Variants in PHLDB1 observed in about 807,000 individuals in gnomAD.
PHLDB1 encodes the protein pleckstrin homology-like domain family B member 1.
Under a neutral mutation model 139.3 loss-of-function variants are expected in PHLDB1, and 65 were observed. The ratio of observed to expected loss-of-function variants is 0.47; its 90% CI spans 0.38 to 0.57. The LOEUF is 0.57. Ranked by LOEUF, PHLDB1 falls within the 20% of genes least tolerant of loss-of-function variation. The pLI is 0.00. For missense variants in PHLDB1, 1,624 were observed against 1,839.7 expected (o/e 0.88, Z 2.14); for synonymous variants, 679 against 734.5 (o/e 0.92, Z 1.22).
chr11:118,656,445 G>T (rs506839), intron 22 of PHLDB1, among the ~76,000 whole-genome samples: 9 of 152,180 alleles, frequency 5.9e-5, no homozygotes, highest in African/African-American at 2.2e-4. Context: ...CCTTGTCAGG[G>T]TATAGCTCTG....
At chr11:118,623,284 G>C (rs1043657580) in intron 4 of PHLDB1, among the ~76,000 whole-genome samples, 5 of 152,356 alleles carry the variant, frequency 3.3e-5, no homozygotes, top group Middle Eastern at 6.8e-3. Flanking sequence ...TGGTGGTAGA[G>C]AGCAACAGGG....
At position 118,657,014 on chromosome 11, in the gene PHLDB1, C is replaced by G. The variant is rs1949143627; in HGVS notation, c.*191C>G. Reference sequence around the variant, plus strand: ...TTGCAGTAACCCTTTAGGGTCCTGCCCCAGGCCCAGCCAGGGCTGAGGAGC... The same window carrying G: ...TTGCAGTAACCCTTTAGGGTCCTGCGCCAGGCCCAGCCAGGGCTGAGGAGC... On this transcript the variant is annotated 3_prime_UTR_variant, in exon 23 of 23. Transcript: ENST00000600882. 2.7e-5 allele frequency: 14 copies of G among 519,418 alleles called. No homozygotes were observed. Among genetic ancestry groups the G allele is most frequent in the Non-Finnish European group, 4.4e-5 (13 of 292,908 alleles). The allele number at this position is 519,418 out of a possible 1,614,324, so 32.2% of individuals were successfully genotyped here.
At chr11:118,643,539 G>T (rs1946931988) in intron 13 of PHLDB1, 1 of 985,434 alleles carries the variant, frequency 1.0e-6, no homozygotes, top group African/African-American at 1.7e-5. Flanking sequence ...TTAAATCCTT[G>T]CATGGGTCTG....
Position 118,627,802 on chromosome 11 carries a change from C to T in PHLDB1, c.979C>T (p.Leu327Phe), listed in dbSNP as rs1555104105. The change falls in exon 6 of 23, where the codon CTC becomes TTC. Residue 327 changes from leucine to phenylalanine, a missense_variant. Coordinates refer to ENST00000600882, the MANE Select transcript of PHLDB1 (RefSeq NM_001144758.3). ...CCATGAGAGGCCTCCCAGCCCTGGC[C>T]TCCGGGGTCTGCTGACAGACAGCCC... ...GGHERPPSPGLRGLLTDSPAA... is the reference protein window; with the variant it reads ...GGHERPPSPGFRGLLTDSPAA... 1 of 1,604,782 alleles carries T rather than the reference C, an allele frequency of 6.2e-7. No individual in the cohort carries two copies. The highest frequency in any genetic ancestry group is 1.7e-5 in the Admixed American group (1 of 59,780).
intron 10 of PHLDB1, chr11:118,637,682 T>A (rs557679145): frequency 4.6e-5 from 7 of 152,294 alleles, no homozygotes; most frequent in African/African-American, 1.7e-4. Context: ...GACCCCAAAT[T>A]TAGGACATCT....
chr11:118,609,633 G>C (rs374696389), intron 1 of PHLDB1, among the ~76,000 whole-genome samples: 1 of 152,172 alleles, frequency 6.6e-6, no homozygotes, highest in Non-Finnish European at 1.5e-5. Context: ...GGCTCGGAAC[G>C]GGCGGTGTCT....
upstream of PHLDB1, chr11:118,607,554 G>A (rs1161238490): frequency 7.2e-6 from 1 of 139,150 alleles, no homozygotes; most frequent in Admixed American, 7.0e-5. Flanking sequence ...GGGGACTGGC[G>A]GGAGGGGGGC....
intron 22 of PHLDB1, 112 bp from the exon 23 acceptor site, chr11:118,656,571 G>A: frequency 9.7e-7 from 1 of 1,033,928 alleles, no homozygotes; most frequent in African/African-American, 1.6e-5. Context: ...TTAGGACTAA[G>A]CTCCAGGGCT....
rs1429972711 is a variant in PHLDB1 at position 118,645,650 on chromosome 11, G to A, written c.3416G>A (p.Ser1139Asn). The change falls in exon 16 of 23, where the codon AGC becomes AAC. Residue 1139 changes from serine (S) to asparagine (N), a missense_variant and splice_region_variant. Physicochemically the swap from Ser to Asn is conservative, Grantham distance 46 (BLOSUM62 1). Transcript: ENST00000600882. This position sits in a 1 kb window ranked among gnomAD's most constrained non-coding sequence, Gnocchi z 5.1. Reference sequence around the variant, plus strand: ...GCCTGCTCCCCTGACAACATGTCCAGGTACACCCGACGCCTGGGCCCGCAG... The same window carrying A: ...GCCTGCTCCCCTGACAACATGTCCAAGTACACCCGACGCCTGGGCCCGCAG... ...NSACSPDNMS[S>N]ASGLDMGKIE... 1.2e-6 allele frequency: 2 copies of A among 1,613,482 alleles called. No homozygotes were observed. Among genetic ancestry groups the A allele is most frequent in the Admixed American group, 3.3e-5 (2 of 59,992 alleles).
At chr11:118,651,226 A>G (rs2137006722) in intron 20 of PHLDB1, 1 of 152,484 alleles carries the variant, frequency 6.6e-6, no homozygotes, top group East Asian at 1.9e-4. Context: ...GCAGTGGCTC[A>G]CACCTGTGAT....
intron 6 of PHLDB1, 99 bp from the exon 7 acceptor site, chr11:118,631,107 TA>T: frequency 9.1e-7 from 1 of 1,101,886 alleles, no homozygotes; most frequent in African/African-American, 1.6e-5. Context: ...TAGCCCCCTG[TA>T]ACCCTGCTCT....
Position 118,631,414 on chromosome 11 carries a change from A to T in PHLDB1, c.2035A>T (p.Met679Leu), listed in dbSNP as rs782119654. 1 of 1,474,552 alleles carries T rather than the reference A, an allele frequency of 6.8e-7. No homozygotes were observed. Among genetic ancestry groups the T allele is most frequent in the Non-Finnish European group, 9.0e-7 (1 of 1,112,274 alleles). 91.3% of individuals were successfully genotyped at this position (1,474,552 alleles called of 1,614,324 possible). The change falls in exon 7 of 23, where the codon ATG becomes TTG. Residue 679 changes from methionine (M) to leucine (L), a missense_variant. By Grantham distance (15) the Met-to-Leu change is conservative (BLOSUM62 2). Transcript: ENST00000600882. ...TGCCACCCAACGCCTATGGGAGAGT[A>T]TGGAGCGCTCAGATGAGGAAAATCT... is the stretch of plus-strand genomic sequence containing the variant. ...GVATQRLWES[M>L]ERSDEENLKE...
At position 118,639,149 on chromosome 11, in the gene PHLDB1, T is replaced by G. The variant is rs1555118068; in HGVS notation, c.2647-13T>G. The G allele has an allele frequency of 3.7e-6, 6 of 1,613,318 alleles. No homozygotes were observed. The South Asian group carries it at 6.6e-5, about 18-fold the overall frequency. Reference sequence around the variant, plus strand: ...TCCCACTCCTCTTTGACTCTGCCATTCTGGGCTCGCAGGAGAAGGAGAAGC... The same window carrying G: ...TCCCACTCCTCTTTGACTCTGCCATGCTGGGCTCGCAGGAGAAGGAGAAGC... On this transcript the variant is annotated splice_polypyrimidine_tract_variant and intron_variant, in intron 11 of 22. Transcript: ENST00000600882.
Position 118,645,240 on chromosome 11 carries a change from GC to G in PHLDB1, c.3122-115del, listed in dbSNP as rs1341085937. Reference sequence around the variant, plus strand: ...CTTAGGGAAGCTGCGGGGAGAGGGGGCTGCTCTGTGTTAACCTCTCCCTGCT... The same window carrying G: ...CTTAGGGAAGCTGCGGGGAGAGGGGGTGCTCTGTGTTAACCTCTCCCTGCT... On this transcript the variant is annotated intron_variant, in intron 15 of 22. Transcript: ENST00000600882. The surrounding 1 kb of genome is among the most constrained non-coding windows in gnomAD (Gnocchi z 5.1). 42 of 698,362 alleles carry G rather than the reference GC, an allele frequency of 6.0e-5. No individual in the cohort carries two copies. In the African/African-American group the frequency reaches 6.9e-4, roughly 11 times the overall value. The allele number at this position is 698,362 out of a possible 1,614,324, so 43.3% of individuals were successfully genotyped here. A position where few individuals can be genotyped will look rare whatever the true frequency, so the allele number is the denominator to read the frequency against.
intron 4 of PHLDB1, among the ~76,000 whole-genome samples, chr11:118,621,873 T>C (rs1169931125): frequency 1.3e-5 from 2 of 152,114 alleles, no homozygotes; most frequent in African/African-American, 4.8e-5. Context: ...GGGTCTCTGA[T>C]AGGAAGGACC....
chr11:118,650,093 G>A lies in PHLDB1; in HGVS notation c.3671G>A (p.Arg1224His). The A allele has an allele frequency of 1.9e-6, 3 of 1,613,986 alleles. No homozygotes were observed. Among genetic ancestry groups the A allele is most frequent in the South Asian group, 1.1e-5 (1 of 91,084 alleles). ...KQFSQARPLTRYLPIRKEDFD... is the reference protein window; with the variant it reads ...KQFSQARPLTHYLPIRKEDFD... ...TGCTCCCAGGCACGACCCCTGACCC[G>A]CTACCTGCCAATCCGGAAGGAGGAC... Residue 1224 changes from arginine (R) to histidine (H), a missense_variant, in exon 19 of 23, where the codon CGC (arginine) becomes CAC (histidine). Coordinates refer to ENST00000600882, the MANE Select transcript of PHLDB1 (RefSeq NM_001144758.3). The surrounding 1 kb of genome is among the most constrained non-coding windows in gnomAD (Gnocchi z 4.7).
intron 1 of PHLDB1, chr11:118,613,177 AT>A (rs1304715976): frequency 9.5e-6 from 5 of 524,008 alleles, no homozygotes; most frequent in African/African-American, 2.1e-5. Flanking sequence ...ATTAAAAAAA[AT>A]TTTTTTAGCT....
intron 9 of PHLDB1, 94 bp from the exon 10 acceptor site, chr11:118,635,299 A>G (rs1555114481): frequency 8.6e-6 from 12 of 1,398,684 alleles, no homozygotes; most frequent in Admixed American, 2.4e-5. Context: ...CCCCGGGTCC[A>G]GCCCCATACA....
At chr11:118,656,591 C>T (rs1949102496) in intron 22 of PHLDB1, 92 bp from the exon 23 acceptor site, 6 of 1,284,998 alleles carry the variant, frequency 4.7e-6, no homozygotes, top group Non-Finnish European at 6.6e-6. Context: ...TTTCTAGGGG[C>T]TGGGAGGGGA....
Sources: allele counts gnomAD v4.1 joint callset (sites outside exome capture counted in the v4.1 genomes callset), GRCh38; gene constraint gnomAD v4.1.1; non-coding constraint Gnocchi (gnomAD v3.1); transcripts MANE v1.5; gene names NCBI Gene and HGNC (gene_info 2026-07-23, HGNC 2026-07-21).